Variants in DROSHA observed in about 807,000 individuals in gnomAD.
DROSHA encodes the protein drosha ribonuclease III.
In DROSHA, 56 loss-of-function variants were observed where a neutral mutation model predicts 181.9. The ratio of observed to expected loss-of-function variants is 0.31; its 90% CI spans 0.25 to 0.38. The LOEUF is 0.38. Ranked by LOEUF, DROSHA falls within the 10% of genes least tolerant of loss-of-function variation. DROSHA has a pLI of 1.00. For missense variants in DROSHA, 1,218 were observed against 1,743.5 expected (o/e 0.70, Z 5.37); for synonymous variants, 524 against 591.2 (o/e 0.89, Z 1.65).
At chr5:31,422,087 T>C (rs1742813724) in intron 29 of DROSHA, among the ~76,000 whole-genome samples, 1 of 113,646 alleles carries the variant, frequency 8.8e-6, no homozygotes, top group Admixed American at 8.8e-5. Flanking sequence ...GTGAGATCTG[T>C]CAGAAAAAAA....
In DROSHA at chr5:31,411,984, T is replaced by C. The variant is rs1285692373; in HGVS notation, c.3526-1097A>G. Reference sequence around the variant, plus strand: ...AAATATAATTTTCATATTTCAACTTTAGGAATTCAAAACAAAAATTTCTAC... The same window carrying C: ...AAATATAATTTTCATATTTCAACTTCAGGAATTCAAAACAAAAATTTCTAC... On this transcript the variant is annotated intron_variant, in intron 30 of 35. Coordinates refer to ENST00000344624, the MANE Select transcript of DROSHA (RefSeq NM_001382508.1). The surrounding 1 kb of genome is among the most constrained non-coding windows in gnomAD (Gnocchi z 4.2). Among the ~76,000 whole-genome samples, 2 of 152,358 alleles carry C rather than the reference T, an allele frequency of 1.3e-5. No individual in the cohort carries two copies. The highest frequency in any genetic ancestry group is 4.8e-5 in the African/African-American group (2 of 41,574).
chr5:31,428,864 T>C (rs887129406), intron 27 of DROSHA, among the ~76,000 whole-genome samples: 2 of 152,302 alleles, frequency 1.3e-5, no homozygotes, highest in South Asian at 2.1e-4. Flanking sequence ...GTGTACTCTA[T>C]TACATGCAGG....
chr5:31,531,447 C>T lies in DROSHA; in HGVS notation c.-174+3G>A, dbSNP rs1741369247. The stretch of plus-strand genomic sequence containing the variant: ...AATTCAAAAGTCAAGGAATTCACTG[C>T]ACCTGGAAAAGTAACTCTCTTTTCT... On this transcript the variant is annotated splice_donor_region_variant and intron_variant, in intron 2 of 35. Transcript: ENST00000344624. 1 of 152,132 alleles carries T rather than the reference C, an allele frequency of 6.6e-6. No homozygotes were observed. The highest frequency in any genetic ancestry group is 1.5e-5 in the Non-Finnish European group (1 of 68,034). The allele number at this position is 152,132 out of a possible 1,614,324, so 9.4% of individuals were successfully genotyped here.
intron 23 of DROSHA, among the ~76,000 whole-genome samples, chr5:31,438,145 G>A (rs1252295290): frequency 6.6e-6 from 1 of 152,132 alleles, no homozygotes; most frequent in Non-Finnish European, 1.5e-5. Context: ...GTGGCCCACG[G>A]AAAACCTCCT....
In DROSHA at chr5:31,405,546, T is replaced by C. The variant is rs567200887; in HGVS notation, c.3994+131A>G. On this transcript the variant is annotated intron_variant, in intron 35 of 35. Transcript: ENST00000344624. ...GTCTCACATTCTACTATATTCTCTG[T>C]GTAAAGAATAATTCTGAAGAAAACA... The C allele has an allele frequency of 1.5e-4, 122 of 838,878 alleles. 2 individuals carry two copies. In the South Asian group the frequency reaches 1.8e-3, roughly 13 times the overall value. 52.0% of individuals were successfully genotyped at this position (838,878 alleles called of 1,614,324 possible).
Position 31,484,948 on chromosome 5 carries a change from T to G in DROSHA, c.1929A>C (p.Lys643Asn). 1 of 1,541,158 alleles carries G rather than the reference T, an allele frequency of 6.5e-7. No homozygotes were observed. Among genetic ancestry groups the G allele is most frequent in the South Asian group, 1.2e-5 (1 of 80,682 alleles). The change falls in exon 15 of 36, where the codon AAA (lysine) becomes AAC (asparagine). Residue 643 changes from lysine to asparagine, a missense_variant. Lys to Asn is a moderately conservative substitution (Grantham distance 94). This residue lies in a region of DROSHA where 460 missense variants were observed against 774.2 expected (regional missense o/e 0.59). Coordinates refer to ENST00000344624, the MANE Select transcript of DROSHA (RefSeq NM_001382508.1). ...EEMMPENFCV[K>N]GLELFSLFLF... ...GGAACAGTGAAAAGAGTTCAAGCCC[T>G]TTCACACAAAAATTCTGAAAAATAA... is the stretch of plus-strand genomic sequence containing the variant.
intron 16 of DROSHA, among the ~76,000 whole-genome samples, chr5:31,481,336 C>T (rs1751011435): frequency 6.6e-6 from 1 of 152,132 alleles, no homozygotes; most frequent in South Asian, 2.1e-4. Flanking sequence ...ATGTTATCCC[C>T]ACATAGTTAC....
intron 20 of DROSHA, among the ~76,000 whole-genome samples, chr5:31,461,763 G>T (rs1288326364): frequency 6.9e-6 from 1 of 145,072 alleles, no homozygotes. Context: ...TTACTGTAAG[G>T]TTTTTTTTTT....
rs1412316225 is a variant in DROSHA, at chr5:31,407,000, A to T, written c.3855-55T>A. On this transcript the variant is annotated intron_variant, in intron 33 of 35. Coordinates refer to ENST00000344624, the MANE Select transcript of DROSHA (RefSeq NM_001382508.1). ...TGGTAAAGTGTTATTTGTCATGGTTACTATGTAACTATGAGGAAAACCATG... is the reference window on the plus strand; with the variant it reads ...TGGTAAAGTGTTATTTGTCATGGTTTCTATGTAACTATGAGGAAAACCATG... 3.3e-6 allele frequency: 5 copies of T among 1,493,476 alleles called. No individual in the cohort carries two copies. The South Asian group carries it at 3.6e-5, about 11-fold the overall frequency. 92.5% of individuals were successfully genotyped at this position (1,493,476 alleles called of 1,614,324 possible).
chr5:31,467,782 C>T lies in DROSHA; in HGVS notation c.2366+157G>A, dbSNP rs191785958. On this transcript the variant is annotated intron_variant, in intron 18 of 35. Coordinates refer to ENST00000344624, the MANE Select transcript of DROSHA (RefSeq NM_001382508.1). ...ACAGAAAATAATTCTTCAGGAGCTA[C>T]CACAATTGTTTCATTTGGGTAATCT... is the stretch of plus-strand genomic sequence containing the variant. The T allele has an allele frequency of 9.4e-4, 871 of 930,818 alleles. 3 individuals carry two copies. The highest frequency in any genetic ancestry group is 1.2e-3 in the Non-Finnish European group (804 of 653,282). 57.7% of individuals were successfully genotyped at this position (930,818 alleles called of 1,614,324 possible).
chr5:31,433,315 A>T (rs1163943285), intron 25 of DROSHA, among the ~76,000 whole-genome samples: 1 of 152,214 alleles, frequency 6.6e-6, no homozygotes, highest in Non-Finnish European at 1.5e-5. Context: ...TTAAAAATTG[A>T]TCCCAAAGTG....
At position 31,422,752 on chromosome 5, in the gene DROSHA, G is replaced by C. The variant is rs754488082; in HGVS notation, c.3419+35C>G. 9 of 1,610,874 alleles carry C rather than the reference G, an allele frequency of 5.6e-6. No individual in the cohort carries two copies. In the Admixed American group the frequency reaches 1.5e-4, roughly 27 times the overall value. ...GGTCTGGGACTGCCTCATCTAAATG[G>C]TCACATTGGGACTACATGAGAACTT... On this transcript the variant is annotated intron_variant, in intron 29 of 35. Transcript: ENST00000344624.
chr5:31,426,201 T>C (rs929560624), intron 27 of DROSHA, among the ~76,000 whole-genome samples: 1 of 151,618 alleles, frequency 6.6e-6, no homozygotes, highest in African/African-American at 2.4e-5. Context: ...ATCTACCCCA[T>C]AGACACCGAG....
At chr5:31,497,247 G>T (rs1224113962) in intron 11 of DROSHA, among the ~76,000 whole-genome samples, 2 of 152,176 alleles carry the variant, frequency 1.3e-5, no homozygotes, top group Non-Finnish European at 2.9e-5. Flanking sequence ...GTACAGACTT[G>T]CAGGGGATCA....
At chr5:31,487,518 G>T (rs1751930300) in intron 13 of DROSHA, among the ~76,000 whole-genome samples, 1 of 152,186 alleles carries the variant, frequency 6.6e-6, no homozygotes, top group Non-Finnish European at 1.5e-5. Context: ...GCTAGCTGGG[G>T]AAAATAACAG....
intron 11 of DROSHA, among the ~76,000 whole-genome samples, chr5:31,498,357 T>TA (rs1180598105): frequency 2.6e-5 from 4 of 151,954 alleles, no homozygotes; most frequent in Admixed American, 1.3e-4. Context: ...CTTTTACTTG[T>TA]AAAATAACAC....
intron 23 of DROSHA, among the ~76,000 whole-genome samples, chr5:31,444,538 A>G (rs1746021557): frequency 6.6e-6 from 1 of 152,228 alleles, no homozygotes; most frequent in South Asian, 2.1e-4. Flanking sequence ...TGACATTATC[A>G]AAAGACAATT....
At chr5:31,412,453 T>C (rs1342054122) in intron 30 of DROSHA, among the ~76,000 whole-genome samples, 1 of 152,244 alleles carries the variant, frequency 6.6e-6, no homozygotes, top group Non-Finnish European at 1.5e-5. Context: ...AGTTTTATGC[T>C]CTGTGGCTCC....
chr5:31,436,739 GAAAC>G (rs1422051530), intron 24 of DROSHA, among the ~76,000 whole-genome samples: 3 of 108,248 alleles, frequency 2.8e-5, no homozygotes, highest in Admixed American at 1.2e-4. Flanking sequence ...CTTCTGGAGA[GAAAC>G]ACACACACAC....
Sources: gnomAD v4.1 joint callset for allele counts (sites outside exome capture counted in the v4.1 genomes callset) on GRCh38, gnomAD v4.1.1 for gene constraint, gnomAD v4.1.1 regional missense constraint, Gnocchi (gnomAD v3.1) non-coding constraint, MANE v1.5 for transcripts, NCBI Gene and HGNC (gene_info 2026-07-23, HGNC 2026-07-21) for gene names.